Variants in PTPRT observed in about 807,000 individuals in gnomAD.
The protein encoded by PTPRT is receptor-type tyrosine-protein phosphatase T.
Under a neutral mutation model 176.8 loss-of-function variants are expected in PTPRT, and 56 were observed. That is an observed-to-expected ratio of 0.32 (90% CI 0.26 to 0.40). The LOEUF is 0.40. Among genes scored for constraint, PTPRT ranks in the 10% least tolerant of loss-of-function variants. The pLI, the probability that PTPRT is intolerant of heterozygous loss-of-function variation, is 1.00. For synonymous variants in PTPRT, 783 were observed against 739.0 expected (o/e 1.06, Z -0.96); for missense variants, 1,540 against 1,908.2 (o/e 0.81, Z 3.60).
chr20:42,637,676 G>A (rs1175081645), intron 7 of PTPRT, among the ~76,000 whole-genome samples: 1 of 151,948 alleles, frequency 6.6e-6, no homozygotes. Flanking sequence ...TTTACCGATT[G>A]TCAGCTCCTC....
chr20:42,381,661 T>C (rs1400552994), intron 9 of PTPRT, among the ~76,000 whole-genome samples: 2 of 147,138 alleles, frequency 1.4e-5, no homozygotes, highest in Non-Finnish European at 3.0e-5. Context: ...GAAGGAGGAG[T>C]GGAAGAAAAG....
chr20:42,526,961 T>C (rs1218172736), intron 7 of PTPRT, among the ~76,000 whole-genome samples: 4 of 123,866 alleles, frequency 3.2e-5, no homozygotes, highest in East Asian at 2.2e-4. Context: ...TTTTTCTTTT[T>C]TTTTTTTTTT....
intron 1 of PTPRT, among the ~76,000 whole-genome samples, chr20:43,083,412 G>A (rs751007331): frequency 1.1e-4 from 15 of 138,334 alleles, no homozygotes; most frequent in Non-Finnish European, 2.2e-4. Flanking sequence ...CCAGGCTGTA[G>A]TGCAGTGTCA....
At chr20:43,076,429 CAA>C (rs11483503) in intron 1 of PTPRT, among the ~76,000 whole-genome samples, 1 of 148,398 alleles carries the variant, frequency 6.7e-6, no homozygotes. Flanking sequence ...CAAATGAAAC[CAA>C]AAAAAAAAAT....
chr20:42,640,204 A>T (rs1410976087), intron 7 of PTPRT, among the ~76,000 whole-genome samples: 1 of 152,124 alleles, frequency 6.6e-6, no homozygotes, highest in African/African-American at 2.4e-5. Flanking sequence ...CCCACACATT[A>T]GAATATTAGA....
At chr20:42,253,221 T>G (rs772494721) in intron 13 of PTPRT, among the ~76,000 whole-genome samples, 1 of 152,094 alleles carries the variant, frequency 6.6e-6, no homozygotes, top group Non-Finnish European at 1.5e-5. Context: ...GAATGTGACC[T>G]GTGATGGGAG....
rs1982674288 is a variant in PTPRT at position 42,075,408 on chromosome 20, C to T, written c.*5471G>A. ...GGCCCAGCACAACCTGTTGACATGA[C>T]TTAGGAACAGCGTCCTGTTCATGCT... On this transcript the variant is annotated 3_prime_UTR_variant, in exon 31 of 31. Coordinates refer to ENST00000373187, the MANE Select transcript of PTPRT (RefSeq NM_007050.6). The T allele has an allele frequency of 4.4e-6, 1 of 227,812 alleles. No individual in the cohort carries two copies. Among genetic ancestry groups the T allele is most frequent in the South Asian group, 1.8e-4 (1 of 5,496 alleles). 14.1% of individuals were successfully genotyped at this position (227,812 alleles called of 1,614,324 possible).
chr20:42,039,410 C>T, the PTPRT span, among the ~76,000 whole-genome samples: 1 of 151,774 alleles, frequency 6.6e-6, no homozygotes, highest in African/African-American at 2.4e-5. Context: ...CCATGATGCA[C>T]AATAGATTTC....
At chr20:42,400,050 G>A (rs1466568093) in intron 9 of PTPRT, among the ~76,000 whole-genome samples, 2 of 152,174 alleles carry the variant, frequency 1.3e-5, no homozygotes, top group Non-Finnish European at 1.5e-5. Flanking sequence ...GCACTCATCA[G>A]TACTGCCCAC....
intron 7 of PTPRT, among the ~76,000 whole-genome samples, chr20:42,541,314 ATTAG>A (rs5841465): frequency 0.011 from 1,683 of 152,232 alleles, 36 homozygotes; most frequent in African/African-American, 0.039. Context: ...TTGGGGGTAG[ATTAG>A]CTATCTATGA....
At chr20:42,649,980 C>G (rs182066055) in intron 7 of PTPRT, among the ~76,000 whole-genome samples, 32 of 152,232 alleles carry the variant, frequency 2.1e-4, no homozygotes, top group Admixed American at 2.1e-3. Flanking sequence ...AAAGAGCTCT[C>G]CAAAAGGCCC....
chr20:42,492,829 T>C (rs1284320920), intron 7 of PTPRT, among the ~76,000 whole-genome samples: 1 of 152,202 alleles, frequency 6.6e-6, no homozygotes, highest in Non-Finnish European at 1.5e-5. Context: ...TGTGATGATT[T>C]TGAGTGTGCT....
chr20:42,246,320 C>A (rs1432834985), intron 14 of PTPRT, among the ~76,000 whole-genome samples: 5 of 152,100 alleles, frequency 3.3e-5, no homozygotes, highest in Non-Finnish European at 5.9e-5. Context: ...CTCCTACCCT[C>A]CCCTCCCATC....
intron 6 of PTPRT, among the ~76,000 whole-genome samples, chr20:42,752,773 G>A (rs185250851): frequency 1.3e-3 from 201 of 152,214 alleles, no homozygotes; most frequent in Non-Finnish European, 2.1e-3. Context: ...CTCCGCAAAG[G>A]CAAAGGGCTC....
At chr20:43,155,939 T>C (rs1410624516) in intron 1 of PTPRT, among the ~76,000 whole-genome samples, 1 of 152,190 alleles carries the variant, frequency 6.6e-6, no homozygotes, top group Admixed American at 6.5e-5. Flanking sequence ...CCAAGTCGCT[T>C]GTTCAGTTCC....
chr20:42,273,738 G>C lies in PTPRT; in HGVS notation c.2176+8751C>G, dbSNP rs1163591592. 2.6e-5 allele frequency among the ~76,000 whole-genome samples: 4 copies of C among 152,214 alleles called. No individual in the cohort carries two copies. The East Asian group carries it at 7.7e-4, about 29-fold the overall frequency. On this transcript the variant is annotated intron_variant, in intron 13 of 30. Transcript: ENST00000373187. ...CTGATTCAGTATTTTTCACTCACTA[G>C]CTGTGTCATTTGGAAAATTACATAC...
At chr20:42,861,071 C>A (rs1425903616) in intron 2 of PTPRT, among the ~76,000 whole-genome samples, 1 of 152,236 alleles carries the variant, frequency 6.6e-6, no homozygotes, top group Non-Finnish European at 1.5e-5. Flanking sequence ...GGCTTCCTTA[C>A]TCTCTGCTTC....
chr20:43,139,210 T>C (rs927954956), intron 1 of PTPRT, among the ~76,000 whole-genome samples: 2 of 152,192 alleles, frequency 1.3e-5, no homozygotes, highest in Admixed American at 1.3e-4. Flanking sequence ...CCTGGCCTCC[T>C]CCCTGTCTTG....
chr20:42,610,329 G>A (rs190503397), intron 7 of PTPRT, among the ~76,000 whole-genome samples: 1 of 151,832 alleles, frequency 6.6e-6, no homozygotes, highest in East Asian at 1.9e-4. Context: ...TTGGAGAGCA[G>A]ACAACATGTT....
Sources: gnomAD v4.1 joint callset for allele counts (sites outside exome capture counted in the v4.1 genomes callset) on GRCh38, gnomAD v4.1.1 for gene constraint, MANE v1.5 for transcripts, NCBI Gene and HGNC (gene_info 2026-07-23, HGNC 2026-07-21) for gene names.